The following USH2A variants were observed in gnomAD, a reference collection of about 807,000 sequenced individuals.
The protein encoded by USH2A is Usher syndrome 2A (autosomal recessive, mild).
A neutral mutation model predicts 538.9 loss-of-function variants in USH2A; 443 were observed. The ratio of observed to expected loss-of-function variants is 0.82; its 90% CI spans 0.76 to 0.89. The LOEUF (loss-of-function observed/expected upper bound fraction) is 0.89, where lower values mean the gene tolerates loss of function less well. USH2A is among the 40% of genes least tolerant of loss of function. The pLI, the probability that USH2A is intolerant of heterozygous loss-of-function variation, is 0.00. For synonymous variants in USH2A, 2,413 were observed against 2,273.5 expected (o/e 1.06, Z -1.75); for missense variants, 6,633 against 6,324.8 (o/e 1.05, Z -1.65).
chr1:215,922,642 C>T (rs1369075802), intron 38 of USH2A, among the ~76,000 whole-genome samples: 1 of 152,030 alleles, frequency 6.6e-6, no homozygotes, highest in East Asian at 1.9e-4. Flanking sequence ...AATGGAATCT[C>T]ATTAAAACAC....
intron 30 of USH2A, among the ~76,000 whole-genome samples, chr1:216,064,270 G>A (rs1349235244): frequency 1.3e-5 from 2 of 152,050 alleles, no homozygotes; most frequent in Non-Finnish European, 2.9e-5. Flanking sequence ...AGCCCATCCT[G>A]GCAGCTCAGG....
At chr1:216,364,060 T>C (rs2038547698) in intron 4 of USH2A, among the ~76,000 whole-genome samples, 1 of 150,842 alleles carries the variant, frequency 6.6e-6, no homozygotes, top group South Asian at 2.1e-4. Flanking sequence ...TAATATAAAA[T>C]ACTATTTTTA....
intron 43 of USH2A, among the ~76,000 whole-genome samples, chr1:215,873,138 C>A (rs1253826493): frequency 1.3e-5 from 2 of 150,688 alleles, no homozygotes; most frequent in African/African-American, 4.9e-5. Flanking sequence ...AAAAAAAAAT[C>A]CAATGGGAAA....
chr1:215,709,088 A>G (rs1216586071), intron 61 of USH2A, among the ~76,000 whole-genome samples: 1 of 152,158 alleles, frequency 6.6e-6, no homozygotes, highest in Non-Finnish European at 1.5e-5. Flanking sequence ...TATAAACATG[A>G]ATGGTCCAAT....
At chr1:216,390,283 C>T (rs1324918098) in intron 3 of USH2A, among the ~76,000 whole-genome samples, 3 of 152,052 alleles carry the variant, frequency 2.0e-5, no homozygotes, top group Non-Finnish European at 4.4e-5. Flanking sequence ...GATTCCAAAG[C>T]TTTGCAGAGT....
chr1:215,961,386 A>G (rs920577832), intron 37 of USH2A, among the ~76,000 whole-genome samples: 2 of 151,792 alleles, frequency 1.3e-5, no homozygotes, highest in Non-Finnish European at 2.9e-5. Flanking sequence ...GAGAGACACA[A>G]AAGACACAAA....
At chr1:215,939,542 A>G (rs1045209438) in intron 37 of USH2A, among the ~76,000 whole-genome samples, 1 of 152,148 alleles carries the variant, frequency 6.6e-6, no homozygotes, top group Admixed American at 6.6e-5. Context: ...CTTATTTTCA[A>G]TGCTCTTTTT....
chr1:215,702,392 T>G (rs1659056733), intron 61 of USH2A, among the ~76,000 whole-genome samples: 1 of 152,214 alleles, frequency 6.6e-6, no homozygotes, highest in Non-Finnish European at 1.5e-5. Context: ...GAAGTTCTCC[T>G]TGATAATATC....
Position 216,058,119 on chromosome 1 carries a change from A to T in USH2A, c.6050-9472T>A, listed in dbSNP as rs1455695694. Among the ~76,000 whole-genome samples, 6 of 152,196 alleles carry T rather than the reference A, an allele frequency of 3.9e-5. 1 individual carries two copies. Among genetic ancestry groups the T allele is most frequent in the African/African-American group, 1.4e-4 (6 of 41,444 alleles). On this transcript the variant is annotated intron_variant, in intron 30 of 71. Transcript: ENST00000307340. The stretch of plus-strand genomic sequence containing the variant: ...GGAGCTCAAGCAGTCATCTTGAACT[A>T]TGAGGTAGAAGCCTTGTCCATAAGG...
Position 216,413,074 on chromosome 1 carries a change from A to T in USH2A, c.651+5440T>A, listed in dbSNP as rs919600675. On this transcript the variant is annotated intron_variant, in intron 3 of 71. Transcript: ENST00000307340. ...AACTTCATTATATTCTATTGATCTT[A>T]ATTTATTTTGAATAACCCAAAACTA... Among the ~76,000 whole-genome samples the T allele has an allele frequency of 3.9e-5, 6 of 152,200 alleles. No individual in the cohort carries two copies. In the East Asian group the frequency reaches 9.7e-4, roughly 25 times the overall value.
chr1:215,815,284 A>C (rs1021303100), intron 48 of USH2A, among the ~76,000 whole-genome samples: 1 of 152,116 alleles, frequency 6.6e-6, no homozygotes, highest in African/African-American at 2.4e-5. Flanking sequence ...AAGAATAACC[A>C]AATGTGATGT....
At chr1:216,243,864 C>T (rs1285651170) in intron 13 of USH2A, among the ~76,000 whole-genome samples, 1 of 152,054 alleles carries the variant, frequency 6.6e-6, no homozygotes, top group East Asian at 1.9e-4. Flanking sequence ...TTTATAGGTC[C>T]ATATGGTCTT....
intron 4 of USH2A, among the ~76,000 whole-genome samples, chr1:216,350,432 C>T (rs1278120051): frequency 6.6e-6 from 1 of 152,108 alleles, no homozygotes; most frequent in Non-Finnish European, 1.5e-5. Context: ...TACCTATGAG[C>T]CTGTAAAATC....
intron 21 of USH2A, among the ~76,000 whole-genome samples, chr1:216,159,554 AC>A: frequency 6.6e-6 from 1 of 151,172 alleles, no homozygotes; most frequent in South Asian, 2.1e-4. Flanking sequence ...ACACACACAC[AC>A]ACACACACAC....
chr1:215,984,170 A>G (rs115029466), intron 35 of USH2A, among the ~76,000 whole-genome samples: 1,537 of 152,334 alleles, frequency 0.01, 12 homozygotes, highest in Middle Eastern at 0.034. Context: ...AAAAAGAGTG[A>G]ATCTAGAAAA....
intron 38 of USH2A, among the ~76,000 whole-genome samples, chr1:215,913,340 GA>G (rs993961762): frequency 6.6e-6 from 1 of 152,110 alleles, no homozygotes; most frequent in African/African-American, 2.4e-5. Flanking sequence ...GAGGTGCTAA[GA>G]GGTATCATTA....
intron 32 of USH2A, among the ~76,000 whole-genome samples, chr1:216,012,638 C>T (rs1668604008): frequency 6.6e-6 from 1 of 152,050 alleles, no homozygotes; most frequent in South Asian, 2.1e-4. Context: ...CCTTTATATC[C>T]CTTACGGTCC....
intron 44 of USH2A, among the ~76,000 whole-genome samples, chr1:215,862,569 T>TA (rs569073905): frequency 9.9e-5 from 15 of 152,018 alleles, no homozygotes; most frequent in Admixed American, 8.5e-4. Flanking sequence ...ATAATAATAA[T>TA]AAAAAAAATG....
Position 215,647,738 on chromosome 1 carries a change from G to C in USH2A, c.14583-8C>G. ...TGGAATTGGAGTTCATAGCTAAAAT[G>C]AGAATGGATACGTAGAGTCAAGACG... On this transcript the variant is annotated splice_polypyrimidine_tract_variant and splice_region_variant and intron_variant, in intron 66 of 71. Transcript: ENST00000307340. 1 of 1,614,078 alleles carries C rather than the reference G, an allele frequency of 6.2e-7. No homozygotes were observed. Among genetic ancestry groups the C allele is most frequent in the Non-Finnish European group, 8.5e-7 (1 of 1,179,960 alleles).
Sources: allele counts gnomAD v4.1 joint callset (sites outside exome capture counted in the v4.1 genomes callset), GRCh38; gene constraint gnomAD v4.1.1; transcripts MANE v1.5; gene names NCBI Gene and HGNC (gene_info 2026-07-23, HGNC 2026-07-21).